The following ARMC9 variants were observed in gnomAD, a reference collection of about 807,000 sequenced individuals.
ARMC9 encodes armadillo repeat containing 9, also known as lisH domain-containing protein ARMC9.
A neutral mutation model predicts 107.0 loss-of-function variants in ARMC9; 94 were observed. The observed-to-expected ratio is 0.88, with a 90% confidence interval of 0.74 to 1.04. The LOEUF (loss-of-function observed/expected upper bound fraction) is 1.04. Ranked by LOEUF, ARMC9 falls within the 50% of genes least tolerant of loss-of-function variation. The pLI, the probability that ARMC9 is intolerant of heterozygous loss-of-function variation, is 0.00. For missense variants in ARMC9, 942 were observed against 1,030.1 expected (o/e 0.91, Z 1.17); for synonymous variants, 380 against 396.9 (o/e 0.96, Z 0.51).
At chr2:231,252,403 C>T (rs1433759259) in intron 9 of ARMC9, among the ~76,000 whole-genome samples, 2 of 152,152 alleles carry the variant, frequency 1.3e-5, no homozygotes, top group Non-Finnish European at 2.9e-5. Flanking sequence ...GCGCCCGCCA[C>T]CATGCCCAGC....
chr2:231,275,288 G>A (rs995006792), intron 14 of ARMC9, among the ~76,000 whole-genome samples: 2 of 152,152 alleles, frequency 1.3e-5, no homozygotes, highest in Non-Finnish European at 2.9e-5. Context: ...TCTGTCCTGA[G>A]TGGTGGTTTC....
chr2:231,244,943 C>T (rs1384611293), intron 9 of ARMC9, among the ~76,000 whole-genome samples: 1 of 152,232 alleles, frequency 6.6e-6, no homozygotes, highest in Non-Finnish European at 1.5e-5. Flanking sequence ...GAGGAAGTCT[C>T]CCACTGACAG....
At chr2:231,328,469 G>A (rs1158036700) in intron 19 of ARMC9, among the ~76,000 whole-genome samples, 2 of 152,002 alleles carry the variant, frequency 1.3e-5, no homozygotes, top group African/African-American at 2.4e-5. Context: ...TTAGTTTTAC[G>A]TTTAAGTCCA....
intron 3 of ARMC9, among the ~76,000 whole-genome samples, chr2:231,210,223 C>A (rs1250370935): frequency 6.6e-6 from 1 of 152,216 alleles, no homozygotes; most frequent in Non-Finnish European, 1.5e-5. Context: ...GGCCTCTGGC[C>A]CCTGGATGCT....
chr2:231,245,569 C>T (rs555391473), intron 9 of ARMC9, among the ~76,000 whole-genome samples: 143 of 152,342 alleles, frequency 9.4e-4, no homozygotes, highest in African/African-American at 3.4e-3. Flanking sequence ...CCCCTCCCTT[C>T]GCTCAGCGCA....
chr2:231,371,687 G>A lies in ARMC9; in HGVS notation c.*152G>A. 1 of 796,978 alleles carries A rather than the reference G, an allele frequency of 1.3e-6. No individual in the cohort carries two copies. The highest frequency in any genetic ancestry group is 1.7e-6 in the Non-Finnish European group (1 of 590,990). 49.4% of individuals were successfully genotyped at this position (796,978 alleles called of 1,614,324 possible). On this transcript the variant is annotated 3_prime_UTR_variant, in exon 25 of 25. Coordinates refer to ENST00000611582, the MANE Select transcript of ARMC9 (RefSeq NM_001352754.2). ...GGCCGGCTCTCCAGGCAGCACCAGA[G>A]CAAGGCCATCGCAGCCCCGCCAGCC...
At chr2:231,258,852 C>T (rs2125407862) in intron 10 of ARMC9, 139 bp from the exon 11 acceptor site, 1 of 735,658 alleles carries the variant, frequency 1.4e-6, no homozygotes, top group East Asian at 2.7e-5. Context: ...CCAGCCCGCC[C>T]TCCAAGTGGA....
At chr2:231,353,600 G>T (rs1416948416) in intron 21 of ARMC9, among the ~76,000 whole-genome samples, 3 of 150,766 alleles carry the variant, frequency 2.0e-5, no homozygotes, top group Non-Finnish European at 4.4e-5. Context: ...ATGAGTGCCC[G>T]CAAACAGCCA....
intron 19 of ARMC9, among the ~76,000 whole-genome samples, chr2:231,305,763 A>G (rs749859672): frequency 2.1e-4 from 32 of 152,196 alleles, no homozygotes; most frequent in Non-Finnish European, 3.5e-4. Context: ...TTACAGAAAA[A>G]AAATAGTAGA....
intron 17 of ARMC9, among the ~76,000 whole-genome samples, chr2:231,284,809 G>A (rs1301559812): frequency 7.2e-5 from 11 of 152,200 alleles, no homozygotes; most frequent in Non-Finnish European, 1.5e-5. Flanking sequence ...ACACTCCTAA[G>A]TAACTGTGGG....
intron 18 of ARMC9, among the ~76,000 whole-genome samples, chr2:231,291,951 T>G (rs1224751861): frequency 6.7e-6 from 1 of 149,310 alleles, no homozygotes; most frequent in Admixed American, 6.7e-5. Flanking sequence ...GGCAGATCAC[T>G]TGAGGTCAGG....
At chr2:231,290,779 A>G (rs1400646817) in intron 17 of ARMC9, among the ~76,000 whole-genome samples, 1 of 152,120 alleles carries the variant, frequency 6.6e-6, no homozygotes, top group South Asian at 2.1e-4. Context: ...GAGAGGTTCT[A>G]TTCATTTACT....
chr2:231,272,395 C>A (rs1174797506), intron 13 of ARMC9, among the ~76,000 whole-genome samples: 1 of 152,084 alleles, frequency 6.6e-6, no homozygotes, highest in African/African-American at 2.4e-5. Flanking sequence ...AGGTTACGCC[C>A]TGTTGCCCAG....
chr2:231,236,539 G>A (rs1396887697), intron 8 of ARMC9, among the ~76,000 whole-genome samples: 2 of 152,232 alleles, frequency 1.3e-5, no homozygotes, highest in Non-Finnish European at 2.9e-5. Context: ...GCTCACGCCT[G>A]TAATCCCAGC....
chr2:231,326,152 C>T (rs2043304039), intron 19 of ARMC9, among the ~76,000 whole-genome samples: 1 of 152,174 alleles, frequency 6.6e-6, no homozygotes, highest in African/African-American at 2.4e-5. Context: ...TTCTGTGGGG[C>T]CCCAAGAGGC....
In ARMC9 at chr2:231,360,314, G is replaced by A. The variant is rs953205016; in HGVS notation, c.2132-440G>A. ...AGCATTAAGGAGCCTTGGGCTGCTC[G>A]GTGAGGAGCACCCTACCTCTCAGGT... On this transcript the variant is annotated intron_variant, in intron 22 of 24. Coordinates refer to ENST00000611582, the MANE Select transcript of ARMC9 (RefSeq NM_001352754.2). This position sits in a 1 kb window ranked among gnomAD's most constrained non-coding sequence, Gnocchi z 4.7. 3.3e-5 allele frequency among the ~76,000 whole-genome samples: 5 copies of A among 152,130 alleles called. No individual in the cohort carries two copies. Among genetic ancestry groups the A allele is most frequent in the African/African-American group, 7.2e-5 (3 of 41,386 alleles).
At chr2:231,211,947 C>G (rs1246642371) in intron 3 of ARMC9, among the ~76,000 whole-genome samples, 1 of 152,002 alleles carries the variant, frequency 6.6e-6, no homozygotes, top group Admixed American at 6.6e-5. Context: ...CAGCTGTGTC[C>G]CCCACTATGG....
chr2:231,206,036 C>T (rs2031934590), intron 1 of ARMC9, among the ~76,000 whole-genome samples, 162 bp from the exon 2 acceptor site: 1 of 152,208 alleles, frequency 6.6e-6, no homozygotes, highest in African/African-American at 2.4e-5. Context: ...ATTCCATCTG[C>T]ACCTTAATTC....
At position 231,376,400 on chromosome 2, in the gene ARMC9, G is replaced by A. The variant is rs1397850082; in HGVS notation, c.*4865G>A. Among the ~76,000 whole-genome samples, 3 of 152,094 alleles carry A rather than the reference G, an allele frequency of 2.0e-5. No individual in the cohort carries two copies. The highest frequency in any genetic ancestry group is 4.4e-5 in the Non-Finnish European group (3 of 68,022). ...CTGAGAAAGAGAATGCACACCTGGGGGTGGGTCTCTGAACTGGCCCCCCTC... is the reference window on the plus strand; with the variant it reads ...CTGAGAAAGAGAATGCACACCTGGGAGTGGGTCTCTGAACTGGCCCCCCTC... On this transcript the variant is annotated 3_prime_UTR_variant, in exon 25 of 25. Transcript: ENST00000611582.
Sources: allele counts gnomAD v4.1 joint callset (sites outside exome capture counted in the v4.1 genomes callset), GRCh38; gene constraint gnomAD v4.1.1; non-coding constraint Gnocchi (gnomAD v3.1); transcripts MANE v1.5; gene names NCBI Gene and HGNC (gene_info 2026-07-23, HGNC 2026-07-21).